The following UPK3A variants were observed in gnomAD, a reference collection of about 807,000 sequenced individuals.
UPK3A encodes the protein uroplakin 3A, also known as uroplakin-3a.
Under a neutral mutation model 27.6 loss-of-function variants are expected in UPK3A, and 32 were observed. The ratio of observed to expected loss-of-function variants is 1.16; its 90% CI spans 0.87 to 1.55. The LOEUF (loss-of-function observed/expected upper bound fraction) is 1.55. Ranked by LOEUF, UPK3A falls within the 40% of genes most tolerant of loss-of-function variation. The pLI, the probability that UPK3A is intolerant of heterozygous loss-of-function variation, is 0.00. For missense variants in UPK3A, 370 were observed against 367.9 expected, an observed-to-expected ratio of 1.01 and a Z score of -0.05; for synonymous variants, 171 against 163.9, an observed-to-expected ratio of 1.04 and a Z score of -0.33.
At chr22:45,294,441 T>C (rs904178682) in intron 5 of UPK3A, among the ~76,000 whole-genome samples, 1 of 151,770 alleles carries the variant, frequency 6.6e-6, no homozygotes, top group Non-Finnish European at 1.5e-5. Context: ...CGAGTCCTCA[T>C]CCAAAGCTGA....
rs919217953 is a variant in UPK3A, at chr22:45,287,589, G to A, written c.488+138G>A. On this transcript the variant is annotated intron_variant, in intron 3 of 5. Transcript: ENST00000216211. ...ACATCCCAGGTTCCAGGCAGGCCAC[G>A]CTGAGCCTCAAGTTCAGAAGAGGCC... 54 of 1,120,192 alleles carry A rather than the reference G, an allele frequency of 4.8e-5. No homozygotes were observed. In the African/African-American group the frequency reaches 5.6e-4, roughly 12 times the overall value. The allele number at this position is 1,120,192 out of a possible 1,614,324, so 69.4% of individuals were successfully genotyped here. A position where few individuals can be genotyped will look rare whatever the true frequency, so the allele number is the denominator to read the frequency against.
intron 1 of UPK3A, 139 bp from the exon 2 acceptor site, chr22:45,285,802 T>C (rs2084113517): frequency 8.0e-7 from 1 of 1,244,654 alleles, no homozygotes; most frequent in East Asian, 2.5e-5. Context: ...GGGGGCAGTG[T>C]CTGAGACAGC....
chr22:45,286,538 G>C (rs1243135288), intron 2 of UPK3A, among the ~76,000 whole-genome samples: 3 of 152,120 alleles, frequency 2.0e-5, no homozygotes, highest in Non-Finnish European at 4.4e-5. Flanking sequence ...CCATGCATTT[G>C]GACCTGCTGC....
Position 45,293,307 on chromosome 22 carries a change from G to C in UPK3A, c.698G>C (p.Ser233Thr), listed in dbSNP as rs780417566. 2.0e-5 allele frequency: 33 copies of C among 1,613,870 alleles called. No homozygotes were observed. The South Asian group carries it at 3.6e-4, about 18-fold the overall frequency. The change falls in exon 5 of 6, where the codon AGC (serine) becomes ACC (threonine). Residue 233 changes from serine to threonine, a missense_variant. Ser to Thr is a moderately conservative substitution (Grantham distance 58). Coordinates refer to ENST00000216211, the MANE Select transcript of UPK3A (RefSeq NM_006953.4). ...GGTTTTGCTGGCGCCATTGCCCTCA[G>C]CCTCGTGTAAGTACCTGCCTGCTGG... is the stretch of plus-strand genomic sequence containing the variant. ...LVGFAGAIALSLVDMGSSDGE... is the reference protein window; with the variant it reads ...LVGFAGAIALTLVDMGSSDGE...
At chr22:45,294,063 G>C (rs1169731440) in intron 5 of UPK3A, among the ~76,000 whole-genome samples, 3 of 152,018 alleles carry the variant, frequency 2.0e-5, no homozygotes, top group Admixed American at 2.0e-4. Context: ...GGAATCCAGA[G>C]GAGGGCCGGG....
intron 2 of UPK3A, 102 bp from the exon 3 acceptor site, chr22:45,287,070 A>G: frequency 1.3e-6 from 2 of 1,547,382 alleles, no homozygotes; most frequent in Non-Finnish European, 1.8e-6. Context: ...TGCCCAGCAC[A>G]GAGCTGGGGC....
At chr22:45,286,941 T>C (rs960148937) in intron 2 of UPK3A, among the ~76,000 whole-genome samples, 4 of 152,106 alleles carry the variant, frequency 2.6e-5, no homozygotes, top group South Asian at 2.1e-4. Context: ...GTTGCAGGAA[T>C]GTCACAAGAT....
At chr22:45,289,903 G>A (rs750712135) in intron 4 of UPK3A, among the ~76,000 whole-genome samples, 4 of 152,136 alleles carry the variant, frequency 2.6e-5, no homozygotes, top group East Asian at 1.9e-4. Context: ...CCATTCCTCC[G>A]TCTCTCCAGC....
chr22:45,288,954 C>A, intron 3 of UPK3A, 107 bp from the exon 4 acceptor site: 2 of 1,040,414 alleles, frequency 1.9e-6, no homozygotes, highest in Admixed American at 3.6e-5. Context: ...TGGAAGGGCC[C>A]CCGCTGCCGT....
chr22:45,294,487 G>A (rs778269849), intron 5 of UPK3A, among the ~76,000 whole-genome samples: 15 of 151,808 alleles, frequency 9.9e-5, no homozygotes, highest in Non-Finnish European at 1.5e-4. Context: ...CCCGAGTCCC[G>A]GGTTGTAGGC....
chr22:45,286,956 C>T (rs1011216539), intron 2 of UPK3A, among the ~76,000 whole-genome samples: 8 of 152,116 alleles, frequency 5.3e-5, no homozygotes, highest in Non-Finnish European at 7.4e-5. Flanking sequence ...CAAGATAAGG[C>T]GAGAGTCAGA....
chr22:45,291,018 T>C (rs749958237), intron 4 of UPK3A, among the ~76,000 whole-genome samples: 3 of 152,100 alleles, frequency 2.0e-5, no homozygotes, highest in Non-Finnish European at 4.4e-5. Flanking sequence ...TTTTATTATA[T>C]ATGGCAAAGT....
intron 1 of UPK3A, 28 bp from the exon 2 acceptor site, chr22:45,285,913 C>G: frequency 6.2e-7 from 1 of 1,613,158 alleles, no homozygotes; most frequent in Non-Finnish European, 8.5e-7. Flanking sequence ...TGCCGGAGGT[C>G]AGTTCCCATC....
At chr22:45,287,121 G>A (rs2084123376) in intron 2 of UPK3A, 51 bp from the exon 3 acceptor site, 3 of 1,611,456 alleles carry the variant, frequency 1.9e-6, no homozygotes, top group Non-Finnish European at 2.5e-6. Context: ...CTGAGTGAGT[G>A]TCGCTGAGCC....
At position 45,295,764 on chromosome 22, in the gene UPK3A, G is replaced by A; in HGVS notation, c.*45G>A. 5.6e-6 allele frequency: 9 copies of A among 1,610,598 alleles called. No individual in the cohort carries two copies. The highest frequency in any genetic ancestry group is 2.7e-5 in the African/African-American group (2 of 74,978). On this transcript the variant is annotated 3_prime_UTR_variant, in exon 6 of 6. Transcript: ENST00000216211. ...CAGCAGCATCCTCCTCTCTGGCCTTGCCCCAGGCCCTGCAGCGGTGGTTGT... is the reference window on the plus strand; with the variant it reads ...CAGCAGCATCCTCCTCTCTGGCCTTACCCCAGGCCCTGCAGCGGTGGTTGT...
chr22:45,285,009 G>C lies in UPK3A; in HGVS notation c.-5G>C. The C allele has an allele frequency of 1.3e-6, 2 of 1,531,016 alleles. No homozygotes were observed. Among genetic ancestry groups the C allele is most frequent in the East Asian group, 2.5e-5 (1 of 40,712 alleles). The allele number at this position is 1,531,016 out of a possible 1,614,324, so 94.8% of individuals were successfully genotyped here. Reference sequence around the variant, plus strand: ...GCCCCGCGCTCTGGCGGCTCCTCCCGGGCGATGCCTCCGCTCTGGGCCCTG... The same window carrying C: ...GCCCCGCGCTCTGGCGGCTCCTCCCCGGCGATGCCTCCGCTCTGGGCCCTG... On this transcript the variant is annotated 5_prime_UTR_variant, in exon 1 of 6. Coordinates refer to ENST00000216211, the MANE Select transcript of UPK3A (RefSeq NM_006953.4).
chr22:45,285,336 G>A (rs2084110169), intron 1 of UPK3A, among the ~76,000 whole-genome samples: 1 of 152,196 alleles, frequency 6.6e-6, no homozygotes, highest in African/African-American at 2.4e-5. Context: ...CCATGGTGAC[G>A]CCTGGACGGG....
At chr22:45,285,192 G>A (rs577320942) in intron 1 of UPK3A, 127 bp downstream of exon 1, 3 of 858,538 alleles carry the variant, frequency 3.5e-6, no homozygotes, top group Non-Finnish European at 5.2e-6. Flanking sequence ...GAATAATAGT[G>A]ATAGCCAACG....
chr22:45,290,877 A>G (rs1371452100), intron 4 of UPK3A, among the ~76,000 whole-genome samples: 2 of 152,116 alleles, frequency 1.3e-5, no homozygotes, highest in Non-Finnish European at 2.9e-5. Context: ...ATTAGGTTGC[A>G]TGCTCCTCAC....
Sources: allele counts gnomAD v4.1 joint callset (sites outside exome capture counted in the v4.1 genomes callset), GRCh38; gene constraint gnomAD v4.1.1; transcripts MANE v1.5; gene names NCBI Gene and HGNC (gene_info 2026-07-23, HGNC 2026-07-21).